The following CCNY variants were observed in gnomAD, a reference collection of about 807,000 sequenced individuals.
The protein encoded by CCNY is cyclin Y, also known as cyclin-Y.
In CCNY, 19 loss-of-function variants were observed where a neutral mutation model predicts 42.8. That is an observed-to-expected ratio of 0.44 (90% CI 0.31 to 0.65). CCNY has a LOEUF of 0.65. CCNY is among the 30% of genes least tolerant of loss of function. The pLI, the probability that CCNY is intolerant of heterozygous loss-of-function variation, is 0.07. For missense variants in CCNY, 370 were observed against 437.3 expected (o/e 0.85, Z 1.37); for synonymous variants, 165 against 162.7 (o/e 1.01, Z -0.11).
chr10:35,327,115 G>A (rs1835889322), intron 3 of CCNY, among the ~76,000 whole-genome samples: 1 of 151,940 alleles, frequency 6.6e-6, no homozygotes, highest in Admixed American at 6.6e-5. Flanking sequence ...ATTCTTTTTT[G>A]GAGGGAGGAA....
chr10:35,565,916 C>T (rs1841560373), intron 8 of CCNY, 107 bp from the exon 9 acceptor site: 7 of 1,102,238 alleles, frequency 6.4e-6, no homozygotes, highest in Non-Finnish European at 9.3e-6. Flanking sequence ...ACTGGTCTTC[C>T]TGGAGGATGC....
At chr10:35,316,377 T>C (rs985274685) in intron 3 of CCNY, 1 of 152,230 alleles carries the variant, frequency 6.6e-6, no homozygotes, top group Non-Finnish European at 1.5e-5. Context: ...GCATTCCATA[T>C]GGCTCTGTCT....
At chr10:35,503,129 G>C (rs946784663) in intron 3 of CCNY, among the ~76,000 whole-genome samples, 1 of 151,706 alleles carries the variant, frequency 6.6e-6, no homozygotes, top group Non-Finnish European at 1.5e-5. Flanking sequence ...TTGCCATTTC[G>C]TGTCCTGTAT....
At chr10:35,329,347 C>T (rs1020793885) in intron 3 of CCNY, among the ~76,000 whole-genome samples, 2 of 151,914 alleles carry the variant, frequency 1.3e-5, no homozygotes, top group African/African-American at 2.4e-5. Flanking sequence ...GTCAGGAGAT[C>T]GAGATCATCC....
At chr10:35,333,666 G>C (rs1444145845), upstream of CCNY, among the ~76,000 whole-genome samples, 1 of 152,186 alleles carries the variant, frequency 6.6e-6, no homozygotes, top group African/African-American at 2.4e-5. Context: ...TTTATAAAAT[G>C]GGGTATAACT....
chr10:35,319,079 C>T (rs1234182096), intron 3 of CCNY, among the ~76,000 whole-genome samples: 2 of 152,174 alleles, frequency 1.3e-5, no homozygotes, highest in Non-Finnish European at 2.9e-5. Flanking sequence ...CCACCTGTCT[C>T]AGCCTCTCAA....
intron 1 of CCNY, among the ~76,000 whole-genome samples, chr10:35,430,980 G>A (rs1838381764): frequency 6.6e-6 from 1 of 151,834 alleles, no homozygotes; most frequent in Non-Finnish European, 1.5e-5. Flanking sequence ...AGCTGGGCCT[G>A]GTGGTGTGCT....
intron 1 of CCNY, among the ~76,000 whole-genome samples, chr10:35,399,645 C>T (rs1837601058): frequency 1.3e-5 from 2 of 152,172 alleles, no homozygotes; most frequent in Non-Finnish European, 2.9e-5. Flanking sequence ...AGTTCAAGAC[C>T]AGCCTGGGCA....
chr10:35,283,543 A>T (rs932019852), intron 3 of CCNY, among the ~76,000 whole-genome samples: 5 of 152,020 alleles, frequency 3.3e-5, no homozygotes, highest in African/African-American at 9.7e-5. Flanking sequence ...AGGTGGGACC[A>T]CAGGCACGTG....
intron 7 of CCNY, among the ~76,000 whole-genome samples, chr10:35,533,046 C>G (rs770308007): frequency 2.0e-5 from 3 of 152,226 alleles, no homozygotes; most frequent in Non-Finnish European, 2.9e-5. Flanking sequence ...CACCTTTGCG[C>G]ACTGCTGTGG....
chr10:35,540,209 G>GT (rs1254648543), intron 7 of CCNY, among the ~76,000 whole-genome samples: 2 of 152,138 alleles, frequency 1.3e-5, no homozygotes, highest in African/African-American at 4.8e-5. Flanking sequence ...TGTGCTGTGA[G>GT]TTTTTTGTAG....
At chr10:35,359,491 TTTA>T (rs138796816) in intron 1 of CCNY, among the ~76,000 whole-genome samples, 42,785 of 149,150 alleles carry the variant, frequency 0.29, 6,325 homozygotes, top group Admixed American at 0.34. Flanking sequence ...TAACTCTTTA[TTTA>T]TTATTATTAT....
chr10:35,460,411 G>T (rs1443687702), intron 1 of CCNY, among the ~76,000 whole-genome samples: 1 of 151,980 alleles, frequency 6.6e-6, no homozygotes, highest in Non-Finnish European at 1.5e-5. Flanking sequence ...CAATCTTTTG[G>T]CTTCCCTGGG....
chr10:35,436,668 C>G (rs1254429283), intron 1 of CCNY, among the ~76,000 whole-genome samples: 3 of 152,152 alleles, frequency 2.0e-5, no homozygotes, highest in East Asian at 3.8e-4. Flanking sequence ...AATACGTTAC[C>G]TTTTTAGAAC....
At chr10:35,507,706 C>T (rs893352936) in intron 3 of CCNY, among the ~76,000 whole-genome samples, 3 of 152,148 alleles carry the variant, frequency 2.0e-5, no homozygotes, top group Admixed American at 6.5e-5. Context: ...AGTTGGCATG[C>T]ACGCTCTATG....
At chr10:35,523,394 A>C (rs1840588514) in intron 4 of CCNY, among the ~76,000 whole-genome samples, 2 of 152,330 alleles carry the variant, frequency 1.3e-5, no homozygotes, top group East Asian at 3.9e-4. Context: ...GACTGTGTGT[A>C]GAGTGAAGCT....
intron 1 of CCNY, among the ~76,000 whole-genome samples, chr10:35,442,448 C>T (rs985238863): frequency 1.1e-4 from 16 of 152,088 alleles, no homozygotes; most frequent in Non-Finnish European, 8.8e-5. Context: ...ATAATGAGAC[C>T]GGAGACTCAT....
At chr10:35,345,610 A>AT (rs1175191149) in intron 1 of CCNY, among the ~76,000 whole-genome samples, 1 of 152,142 alleles carries the variant, frequency 6.6e-6, no homozygotes, top group Non-Finnish European at 1.5e-5. Flanking sequence ...ATTTTCTTGT[A>AT]TTATATGTGA....
intron 2 of CCNY, among the ~76,000 whole-genome samples, chr10:35,491,168 G>A (rs966884148): frequency 5.3e-5 from 8 of 152,172 alleles, no homozygotes; most frequent in Admixed American, 4.6e-4. Flanking sequence ...CCAGCCTCTG[G>A]CCTCCAGTTA....
Sources: gnomAD v4.1 joint callset for allele counts (sites outside exome capture counted in the v4.1 genomes callset) on GRCh38, gnomAD v4.1.1 for gene constraint, MANE v1.5 for transcripts, NCBI Gene and HGNC (gene_info 2026-07-23, HGNC 2026-07-21) for gene names.